PITPNM3: variants seen among roughly 807,000 people sequenced by gnomAD.
The protein encoded by PITPNM3 is membrane-associated phosphatidylinositol transfer protein 3.
PITPNM3 carries 26 observed loss-of-function variants against 102.0 expected under a neutral mutation model. That is an observed-to-expected ratio of 0.25 (90% CI 0.19 to 0.35). The LOEUF (loss-of-function observed/expected upper bound fraction) is 0.35, where lower values mean the gene tolerates loss of function less well. Among genes scored for constraint, PITPNM3 ranks in the 10% least tolerant of loss-of-function variants. PITPNM3 has a pLI of 1.00. For missense variants in PITPNM3, 1,083 were observed against 1,346.1 expected (o/e 0.80, Z 3.06); for synonymous variants, 578 against 558.6 (o/e 1.03, Z -0.49).
chr17:6,484,877 A>C (rs1302672924), intron 4 of PITPNM3, among the ~76,000 whole-genome samples: 2 of 152,170 alleles, frequency 1.3e-5, no homozygotes, highest in Non-Finnish European at 2.9e-5. Flanking sequence ...GAGCAGAACA[A>C]AGTGCTGCAG....
At chr17:6,550,386 C>T (rs185051146) in intron 1 of PITPNM3, among the ~76,000 whole-genome samples, 2 of 152,296 alleles carry the variant, frequency 1.3e-5, no homozygotes, top group Non-Finnish European at 2.9e-5. Context: ...CTGAGAGCTG[C>T]TATAGGATCT....
intron 6 of PITPNM3, among the ~76,000 whole-genome samples, 199 bp downstream of exon 6, chr17:6,483,318 G>T (rs958259336): frequency 1.1e-4 from 16 of 151,942 alleles, no homozygotes; most frequent in Non-Finnish European, 2.2e-4. Context: ...ATTTCATGGG[G>T]ACCCCAGCAC....
At chr17:6,524,398 C>A (rs1659390668) in intron 3 of PITPNM3, among the ~76,000 whole-genome samples, 2 of 152,128 alleles carry the variant, frequency 1.3e-5, no homozygotes, top group Admixed American at 1.3e-4. Context: ...AGGTTAGCAC[C>A]CTGCATCCCA....
In PITPNM3 at chr17:6,458,273, A is replaced by G. The variant is rs1259769823; in HGVS notation, c.2491-551T>C. ...ACCATCACCCTTCCCTCCCCTCCCC[A>G]GGATAAACCCGATCAAACTACCTCC... On this transcript the variant is annotated intron_variant, in intron 18 of 19. Coordinates refer to ENST00000262483, the MANE Select transcript of PITPNM3 (RefSeq NM_031220.4). The surrounding 1 kb of genome is among the most constrained non-coding windows in gnomAD (Gnocchi z 5.1). Among the ~76,000 whole-genome samples the G allele has an allele frequency of 6.6e-6, 1 of 151,342 alleles. No homozygotes were observed. Among genetic ancestry groups the G allele is most frequent in the Non-Finnish European group, 1.5e-5 (1 of 67,866 alleles).
chr17:6,525,327 T>C (rs781496645), intron 3 of PITPNM3, 29 bp downstream of exon 3: 1 of 1,598,830 alleles, frequency 6.3e-7, no homozygotes, highest in South Asian at 1.1e-5. Context: ...TATGTGCACA[T>C]CCTGGTCATG....
At chr17:6,498,035 C>T (rs951152629) in intron 4 of PITPNM3, among the ~76,000 whole-genome samples, 23 of 152,254 alleles carry the variant, frequency 1.5e-4, no homozygotes, top group Admixed American at 7.8e-4. Flanking sequence ...GGGGCGTGGG[C>T]AGAGGAAGGG....
intron 4 of PITPNM3, among the ~76,000 whole-genome samples, chr17:6,495,705 C>T (rs574137833): frequency 6.6e-5 from 10 of 151,824 alleles, no homozygotes; most frequent in Non-Finnish European, 1.3e-4. Flanking sequence ...GCTGGGAAGA[C>T]CCCTGGAGTT....
Position 6,478,498 on chromosome 17 carries a change from C to A in PITPNM3, c.777+49G>T. On this transcript the variant is annotated intron_variant, in intron 7 of 19. Coordinates refer to ENST00000262483, the MANE Select transcript of PITPNM3 (RefSeq NM_031220.4). This position sits in a 1 kb window ranked among gnomAD's most constrained non-coding sequence, Gnocchi z 4.4. ...GTAGATTCCAGCCTCTCTCCCAGGC[C>A]GGGGCCGGAACAGGGGAGGGGAGAG... 1 of 1,602,580 alleles carries A rather than the reference C, an allele frequency of 6.2e-7. No individual in the cohort carries two copies. The highest frequency in any genetic ancestry group is 8.5e-7 in the Non-Finnish European group (1 of 1,170,922).
intron 4 of PITPNM3, among the ~76,000 whole-genome samples, chr17:6,490,992 A>G (rs963028370): frequency 4.4e-5 from 2 of 45,452 alleles, no homozygotes; most frequent in African/African-American, 8.6e-5. Flanking sequence ...AGGGAAGGGG[A>G]GGGGAGGGGA....
At chr17:6,504,058 C>T (rs572159067) in intron 3 of PITPNM3, among the ~76,000 whole-genome samples, 2 of 152,268 alleles carry the variant, frequency 1.3e-5, no homozygotes, top group African/African-American at 4.8e-5. Flanking sequence ...CTGCACACTC[C>T]CCATGACCAA....
chr17:6,462,884 TGGAGCACCATGG>T (rs1203965774), intron 17 of PITPNM3, among the ~76,000 whole-genome samples: 11 of 150,184 alleles, frequency 7.3e-5, no homozygotes, highest in Non-Finnish European at 1.3e-4. Flanking sequence ...GAGCACCATG[TGGAGCACCATGG>T]GGAGCACCCT....
intron 10 of PITPNM3, among the ~76,000 whole-genome samples, chr17:6,473,502 T>C (rs1490473064): frequency 6.6e-6 from 1 of 152,186 alleles, no homozygotes; most frequent in Non-Finnish European, 1.5e-5. Context: ...TGTTCCATAC[T>C]GTAGCTTGTC....
chr17:6,472,701 C>A lies in PITPNM3; in HGVS notation c.1385G>T (p.Arg462Leu), dbSNP rs773490611. 3 of 1,613,802 alleles carry A rather than the reference C, an allele frequency of 1.9e-6. No homozygotes were observed. The highest frequency in any genetic ancestry group is 2.5e-6 in the Non-Finnish European group (3 of 1,179,966). Residue 462 changes from arginine (R) to leucine (L), a missense_variant, in exon 11 of 20, where the codon CGC becomes CTC. Arg to Leu is a moderately radical substitution (Grantham distance 102). Around this residue, in one of 5 missense-constraint regions of PITPNM3, gnomAD observed 410 missense variants for 638.4 expected, o/e 0.64. Transcript: ENST00000262483. The surrounding 1 kb of genome is among the most constrained non-coding windows in gnomAD (Gnocchi z 4.1). Reference protein sequence around the residue: ...FHLVPPVSVPRYQRFPLGDGQ... With the variant: ...FHLVPPVSVPLYQRFPLGDGQ... ...ATCGCCCAGTGGGAACCTCTGGTAG[C>A]GAGGCACGCTGACAGGCGGCACCAG...
At chr17:6,462,758 C>T (rs893192253) in intron 17 of PITPNM3, among the ~76,000 whole-genome samples, 2 of 152,016 alleles carry the variant, frequency 1.3e-5, no homozygotes, top group African/African-American at 4.8e-5. Context: ...TCTGGGGATG[C>T]TCTACACAAA....
At chr17:6,501,163 T>A (rs1433870324) in intron 4 of PITPNM3, among the ~76,000 whole-genome samples, 1 of 152,168 alleles carries the variant, frequency 6.6e-6, no homozygotes, top group Non-Finnish European at 1.5e-5. Flanking sequence ...CGGGTGGCTG[T>A]TTTTGCTTCG....
rs1358757725 is a variant in PITPNM3, at chr17:6,537,138, C to T, written c.118+849G>A. Among the ~76,000 whole-genome samples, 3 of 152,054 alleles carry T rather than the reference C, an allele frequency of 2.0e-5. No individual in the cohort carries two copies. The highest frequency in any genetic ancestry group is 2.9e-5 in the Non-Finnish European group (2 of 67,998). On this transcript the variant is annotated intron_variant, in intron 2 of 19. Transcript: ENST00000262483. The surrounding 1 kb of genome is among the most constrained non-coding windows in gnomAD (Gnocchi z 4.4). ...TCCTTCCTATGTCTCATGGGTTGGC[C>T]GGGAAGAGATGCAGAGGTCATTTCC... is the stretch of plus-strand genomic sequence containing the variant.
intron 6 of PITPNM3, among the ~76,000 whole-genome samples, chr17:6,482,016 CTCTCTCTCTCTCTCTCTCTG>C: frequency 1.9e-5 from 2 of 105,518 alleles, no homozygotes; most frequent in Admixed American, 9.5e-5. Context: ...CTCTCTCTCT[CTCTCTCTCTCTCTCTCTCTG>C]TCTGTCTCTC....
chr17:6,541,946 C>A (rs1909751170), intron 1 of PITPNM3, among the ~76,000 whole-genome samples: 1 of 152,196 alleles, frequency 6.6e-6, no homozygotes. Flanking sequence ...CCTAACCAAG[C>A]CTAGCAAAGT....
intron 4 of PITPNM3, among the ~76,000 whole-genome samples, chr17:6,497,459 G>T (rs1359591246): frequency 1.3e-5 from 2 of 152,308 alleles, no homozygotes; most frequent in East Asian, 3.9e-4. Context: ...ACCCAGCTGG[G>T]GATAAATTGG....
Sources: allele counts gnomAD v4.1 joint callset (sites outside exome capture counted in the v4.1 genomes callset), GRCh38; gene constraint gnomAD v4.1.1; regional missense constraint gnomAD v4.1.1; non-coding constraint Gnocchi (gnomAD v3.1); transcripts MANE v1.5; gene names NCBI Gene and HGNC (gene_info 2026-07-23, HGNC 2026-07-21).